The following MTRF1 variants were observed in gnomAD, a reference collection of about 807,000 sequenced individuals.
MTRF1 encodes peptide chain release factor 1, mitochondrial.
MTRF1 carries 51 observed loss-of-function variants against 62.9 expected under a neutral mutation model. That is an observed-to-expected ratio of 0.81 (90% CI 0.65 to 1.02). The LOEUF is 1.02. Ranked by LOEUF, MTRF1 falls within the 50% of genes least tolerant of loss-of-function variation. The pLI is 0.00. For synonymous variants in MTRF1, 158 were observed against 181.9 expected (o/e 0.87, Z 1.06); for missense variants, 446 against 530.0 (o/e 0.84, Z 1.56).
the MTRF1 span, among the ~76,000 whole-genome samples, chr13:41,284,718 A>G: frequency 1.3e-5 from 2 of 152,086 alleles, no homozygotes; most frequent in Non-Finnish European, 2.9e-5. Context: ...CAGTGGCGTG[A>G]TATCAACTCA....
chr13:41,268,172 T>C (rs561629404), upstream of MTRF1, among the ~76,000 whole-genome samples: 62 of 152,342 alleles, frequency 4.1e-4, 1 homozygote, highest in African/African-American at 1.4e-3. Flanking sequence ...AGAAATGCTA[T>C]TGATTCAGGA....
chr13:41,302,812 A>G, the MTRF1 span, among the ~76,000 whole-genome samples: 1 of 152,186 alleles, frequency 6.6e-6, no homozygotes, highest in Non-Finnish European at 1.5e-5. Flanking sequence ...GGCGTGAGCC[A>G]CTGCGCCTGG....
At chr13:41,243,401 T>A (rs2037798140) in intron 5 of MTRF1, among the ~76,000 whole-genome samples, 1 of 86,970 alleles carries the variant, frequency 1.1e-5, no homozygotes, top group Admixed American at 1.4e-4. Context: ...TGAGACCCTG[T>A]CTCAAAAAAA....
chr13:41,309,633 G>A, the MTRF1 span, among the ~76,000 whole-genome samples: 5 of 152,022 alleles, frequency 3.3e-5, no homozygotes, highest in South Asian at 6.2e-4. Flanking sequence ...TGTGTGAAAC[G>A]TAGGAGATTG....
At chr13:41,262,836 T>C (rs2040616938) in intron 1 of MTRF1, among the ~76,000 whole-genome samples, 1 of 152,166 alleles carries the variant, frequency 6.6e-6, no homozygotes, top group Non-Finnish European at 1.5e-5. Context: ...AACTTTACTG[T>C]CTCCAGTGAT....
chr13:41,268,301 T>G (rs1220426108), upstream of MTRF1, among the ~76,000 whole-genome samples: 1 of 152,246 alleles, frequency 6.6e-6, no homozygotes, highest in African/African-American at 2.4e-5. Context: ...ATGTCATTTT[T>G]GGACTTTAGG....
the MTRF1 span, among the ~76,000 whole-genome samples, chr13:41,273,224 C>G: frequency 1.4e-4 from 22 of 151,754 alleles, no homozygotes; most frequent in East Asian, 1.6e-3. Flanking sequence ...TGCTCGGGAG[C>G]CCGAGGCAGG....
chr13:41,288,841 G>C, the MTRF1 span, among the ~76,000 whole-genome samples: 1 of 152,218 alleles, frequency 6.6e-6, no homozygotes, highest in Non-Finnish European at 1.5e-5. Context: ...ACAACTCGCA[G>C]TGTCAATAAT....
rs1438131250 is a variant in MTRF1 at position 41,258,574 on chromosome 13, A to C, written c.415+1919T>G. 1.1e-4 allele frequency among the ~76,000 whole-genome samples: 9 copies of C among 85,334 alleles called. No individual in the cohort carries two copies. The East Asian group carries it at 1.4e-3, about 13-fold the overall frequency. The allele number at this position is 85,334 out of a possible 152,430, so 56.0% of individuals were successfully genotyped here. A position where few individuals can be genotyped will look rare whatever the true frequency, so the allele number is the denominator to read the frequency against. ...GAGGGACCATCTCTTAAAAAAAAAA[A>C]CAAAAAAAAAAAACATAAAAAATAA... On this transcript the variant is annotated intron_variant, in intron 2 of 9. Coordinates refer to ENST00000379480, the MANE Select transcript of MTRF1 (RefSeq NM_004294.4).
intron 6 of MTRF1, among the ~76,000 whole-genome samples, 168 bp from the exon 7 acceptor site, chr13:41,234,175 G>T (rs1247212142): frequency 2.0e-5 from 3 of 152,132 alleles, no homozygotes; most frequent in Admixed American, 2.0e-4. Context: ...ATTCCAATGG[G>T]ATGCTATTTT....
intron 9 of MTRF1, among the ~76,000 whole-genome samples, chr13:41,222,199 TC>T (rs1435239947): frequency 6.6e-6 from 1 of 152,152 alleles, no homozygotes; most frequent in Non-Finnish European, 1.5e-5. Flanking sequence ...TTCCACATAG[TC>T]CTTTATGGGA....
intron 2 of MTRF1, among the ~76,000 whole-genome samples, chr13:41,256,141 C>G (rs1332750616): frequency 1.3e-5 from 2 of 152,130 alleles, no homozygotes; most frequent in African/African-American, 4.8e-5. Flanking sequence ...AAAAACATGG[C>G]TTCAGGCCTC....
chr13:41,220,926 C>G (rs2033200499), intron 9 of MTRF1, among the ~76,000 whole-genome samples: 2 of 152,112 alleles, frequency 1.3e-5, no homozygotes, highest in Admixed American at 6.5e-5. Context: ...CACTTTTGTC[C>G]TGGGTCAGGA....
chr13:41,296,122 T>C, the MTRF1 span, among the ~76,000 whole-genome samples: 1 of 152,190 alleles, frequency 6.6e-6, no homozygotes, highest in Admixed American at 6.5e-5. Flanking sequence ...TTTTCATTTT[T>C]ATTTGTAGAT....
At chr13:41,269,032 A>T in the MTRF1 span, among the ~76,000 whole-genome samples, 195 of 144,698 alleles carry the variant, frequency 1.3e-3, no homozygotes, top group East Asian at 8.1e-3. Context: ...TTTTTTTTTT[A>T]AAACCAGTCA....
chr13:41,262,731 C>T (rs1284410963), intron 1 of MTRF1, among the ~76,000 whole-genome samples: 2 of 152,170 alleles, frequency 1.3e-5, no homozygotes, highest in Non-Finnish European at 2.9e-5. Context: ...GAGACTGAGG[C>T]AGGAGGATCA....
Position 41,252,935 on chromosome 13 carries a change from G to GT in MTRF1, c.589+13dup. 1.3e-6 allele frequency: 2 copies of GT among 1,561,036 alleles called. No homozygotes were observed. Among genetic ancestry groups the GT allele is most frequent in the Non-Finnish European group, 1.8e-6 (2 of 1,142,004 alleles). ...CTTTTTAGATCATTTAAATAATAAA[G>GT]TAAGTTTACTGACCTCCAGTAGTCC... On this transcript the variant is annotated intron_variant, in intron 4 of 9. Coordinates refer to ENST00000379480, the MANE Select transcript of MTRF1 (RefSeq NM_004294.4).
At chr13:41,273,313 G>A in the MTRF1 span, among the ~76,000 whole-genome samples, 536 of 145,776 alleles carry the variant, frequency 3.7e-3, 4 homozygotes, top group East Asian at 9.9e-3. Context: ...GCTACAGAGC[G>A]AGACTCCGTC....
At position 41,217,064 on chromosome 13, in the gene MTRF1, T is replaced by G; in HGVS notation, c.*51A>C. The G allele has an allele frequency of 3.8e-6, 4 of 1,053,382 alleles. No homozygotes were observed. The highest frequency in any genetic ancestry group is 5.6e-6 in the Non-Finnish European group (4 of 713,664). The allele number at this position is 1,053,382 out of a possible 1,614,324, so 65.3% of individuals were successfully genotyped here. A position where few individuals can be genotyped will look rare whatever the true frequency, so the allele number is the denominator to read the frequency against. On this transcript the variant is annotated 3_prime_UTR_variant, in exon 10 of 10. Coordinates refer to ENST00000379480, the MANE Select transcript of MTRF1 (RefSeq NM_004294.4). ...GATTTCCAAGCTTCAGTCTGCCTCT[T>G]GATATAGGTCCATTTCATTTATATA...
Sources: allele counts gnomAD v4.1 joint callset (sites outside exome capture counted in the v4.1 genomes callset), GRCh38; gene constraint gnomAD v4.1.1; transcripts MANE v1.5; gene names NCBI Gene and HGNC (gene_info 2026-07-23, HGNC 2026-07-21).